The following CEP85 variants were observed in gnomAD, a reference collection of about 807,000 sequenced individuals.
The protein encoded by CEP85 is centrosomal protein of 85 kDa.
CEP85 carries 58 observed loss-of-function variants against 93.7 expected under a neutral mutation model. The ratio of observed to expected loss-of-function variants is 0.62; its 90% CI spans 0.50 to 0.77. CEP85 has a LOEUF of 0.77. Among genes scored for constraint, CEP85 ranks in the 30% least tolerant of loss-of-function variants. The pLI, the probability that CEP85 is intolerant of heterozygous loss-of-function variation, is 0.00. For synonymous variants in CEP85, 314 were observed against 338.6 expected (o/e 0.93, Z 0.80); for missense variants, 868 against 922.0 (o/e 0.94, Z 0.76).
intron 5 of CEP85, 135 bp from the exon 6 acceptor site, chr1:26,258,008 G>A (rs2089735075): frequency 1.3e-6 from 1 of 743,030 alleles, no homozygotes; most frequent in Admixed American, 2.3e-5. Context: ...TTTCTCATTT[G>A]TTCTTCTTCC....
rs1202646123 is a variant in CEP85 at position 26,272,004 on chromosome 1, A to G, written c.1744-17A>G. 6.2e-7 allele frequency: 1 copy of G among 1,613,824 alleles called. No homozygotes were observed. The highest frequency in any genetic ancestry group is 8.5e-7 in the Non-Finnish European group (1 of 1,179,894). On this transcript the variant is annotated splice_polypyrimidine_tract_variant and intron_variant, in intron 10 of 13. Coordinates refer to ENST00000451429, the MANE Select transcript of CEP85 (RefSeq NM_001319944.2). ...AGCCTTGTGCTCGCAGCCTTCCTTGATAACTTTGCCTTTCAGATTGTGGAG... is the reference window on the plus strand; with the variant it reads ...AGCCTTGTGCTCGCAGCCTTCCTTGGTAACTTTGCCTTTCAGATTGTGGAG...
At chr1:26,239,572 G>A (rs1004301162) in intron 1 of CEP85, among the ~76,000 whole-genome samples, 190 bp from the exon 2 acceptor site, 1 of 147,184 alleles carries the variant, frequency 6.8e-6, no homozygotes, top group African/African-American at 2.7e-5. Flanking sequence ...GGCTGGTCTC[G>A]AACTCCTGAC....
At chr1:26,264,194 A>G (rs894951677) in intron 7 of CEP85, among the ~76,000 whole-genome samples, 12 of 151,792 alleles carry the variant, frequency 7.9e-5, no homozygotes, top group African/African-American at 2.4e-4. Context: ...GGTGTCTTTC[A>G]TGTTAGAGGC....
Position 26,269,551 on chromosome 1 carries a change from A to G in CEP85, c.1586A>G (p.Glu529Gly). ...GAGGAGACCCAGGCAATCTGCAGAGAGAAGGAGATTCAACTGGAAAGCCTG... is the reference window on the plus strand; with the variant it reads ...GAGGAGACCCAGGCAATCTGCAGAGGGAAGGAGATTCAACTGGAAAGCCTG... ...LLEETQAICR[E>G]KEIQLESLRQ... The change falls in exon 9 of 14, where the codon GAG becomes GGG. Residue 529 changes from glutamate (E) to glycine (G), a missense_variant. Physicochemically the swap from Glu to Gly is moderately conservative, Grantham distance 98 (BLOSUM62 -2). Transcript: ENST00000451429. 6.2e-7 allele frequency: 1 copy of G among 1,614,064 alleles called. No individual in the cohort carries two copies. The highest frequency in any genetic ancestry group is 8.5e-7 in the Non-Finnish European group (1 of 1,179,964).
chr1:26,263,901 C>T (rs570619546), intron 7 of CEP85, among the ~76,000 whole-genome samples: 2 of 152,062 alleles, frequency 1.3e-5, no homozygotes, highest in South Asian at 2.1e-4. Context: ...TATGGAGGGC[C>T]GACATATATG....
At chr1:26,248,876 G>A (rs910972267) in intron 3 of CEP85, among the ~76,000 whole-genome samples, 1 of 151,218 alleles carries the variant, frequency 6.6e-6, no homozygotes. Flanking sequence ...ACAGGCACCC[G>A]CCACTACGCC....
chr1:26,236,136 A>G (rs1434146087), intron 1 of CEP85, among the ~76,000 whole-genome samples: 1 of 152,218 alleles, frequency 6.6e-6, no homozygotes, highest in African/African-American at 2.4e-5. Flanking sequence ...GTTAGAGTAC[A>G]GTCCTGGCTT....
chr1:26,244,116 G>C lies in CEP85; in HGVS notation c.56-50G>C, dbSNP rs776303756. The C allele has an allele frequency of 3.2e-6, 5 of 1,570,742 alleles. No homozygotes were observed. The South Asian group carries it at 4.6e-5, about 14-fold the overall frequency. ...GATTTTTTAAAAAAAGATCTGATGG[G>C]GTTACATCAGCTGGTTCACAGTAAA... is the stretch of plus-strand genomic sequence containing the variant. On this transcript the variant is annotated intron_variant, in intron 2 of 13. Coordinates refer to ENST00000451429, the MANE Select transcript of CEP85 (RefSeq NM_001319944.2).
intron 12 of CEP85, among the ~76,000 whole-genome samples, chr1:26,275,818 A>G (rs1370463210): frequency 6.6e-6 from 1 of 152,148 alleles, no homozygotes; most frequent in East Asian, 1.9e-4. Context: ...GGACTGAAGG[A>G]CGGACTCTAT....
At chr1:26,235,423 T>C (rs1442474735) in intron 1 of CEP85, among the ~76,000 whole-genome samples, 1 of 152,202 alleles carries the variant, frequency 6.6e-6, no homozygotes, top group East Asian at 1.9e-4. Flanking sequence ...TAATGAATGA[T>C]CAAGGCGGTG....
chr1:26,255,828 A>C lies in CEP85; in HGVS notation c.866A>C (p.Gln289Pro). 1 of 1,612,700 alleles carries C rather than the reference A, an allele frequency of 6.2e-7. No homozygotes were observed. Among genetic ancestry groups the C allele is most frequent in the Admixed American group, 1.7e-5 (1 of 59,882 alleles). The change falls in exon 4 of 14, where the codon CAG becomes CCG. Residue 289 changes from glutamine to proline, a missense_variant. Physicochemically the swap from Gln to Pro is moderately conservative, Grantham distance 76 (BLOSUM62 -1). Transcript: ENST00000451429. ...QSCELSTCRQ[Q>P]LELIRLQMEQ... is the part of the protein sequence containing the mutation. ...TGTGAACTCAGCACTTGTCGGCAGC[A>C]GCTGGAATTGATTCGTTTACAGATG...
At chr1:26,237,168 C>T (rs942990769) in intron 1 of CEP85, among the ~76,000 whole-genome samples, 1 of 152,060 alleles carries the variant, frequency 6.6e-6, no homozygotes, top group Non-Finnish European at 1.5e-5. Flanking sequence ...GGGAGGGATC[C>T]ATTCAGGTGG....
At chr1:26,274,535 T>C (rs2090025248) in intron 11 of CEP85, among the ~76,000 whole-genome samples, 1 of 152,204 alleles carries the variant, frequency 6.6e-6, no homozygotes, top group Non-Finnish European at 1.5e-5. Context: ...GATTTGCAGA[T>C]TGAAGACAGC....
In CEP85 at chr1:26,261,007, T is replaced by A. The variant is rs566760464; in HGVS notation, c.1341+1205T>A. The stretch of plus-strand genomic sequence containing the variant: ...GGTTTCACCATGTTGGCCAGGCTGG[T>A]CTCGAACTCCTGACCTCAGGTGATC... On this transcript the variant is annotated intron_variant, in intron 7 of 13. Transcript: ENST00000451429. 1.7e-4 allele frequency among the ~76,000 whole-genome samples: 26 copies of A among 150,380 alleles called. No homozygotes were observed. The East Asian group carries it at 4.9e-3, about 28-fold the overall frequency.
chr1:26,276,801 C>A (rs1404450214), intron 13 of CEP85, 41 bp downstream of exon 13: 1 of 1,354,964 alleles, frequency 7.4e-7, no homozygotes, highest in Non-Finnish European at 1.0e-6. Flanking sequence ...AAGGAGGGTC[C>A]TTCTTTCTCT....
intron 2 of CEP85, among the ~76,000 whole-genome samples, chr1:26,242,712 C>T (rs1017240789): frequency 6.6e-6 from 1 of 152,158 alleles, no homozygotes; most frequent in Non-Finnish European, 1.5e-5. Context: ...CCCACTAGAT[C>T]AGCGAGTCTG....
chr1:26,249,888 A>G (rs554369373), intron 3 of CEP85, among the ~76,000 whole-genome samples: 1 of 152,244 alleles, frequency 6.6e-6, no homozygotes, highest in South Asian at 2.1e-4. Context: ...TTTTAAAGAG[A>G]TGGATCTCAC....
At chr1:26,250,767 G>T (rs975322298) in intron 3 of CEP85, among the ~76,000 whole-genome samples, 2 of 152,082 alleles carry the variant, frequency 1.3e-5, no homozygotes, top group African/African-American at 4.8e-5. Flanking sequence ...CTGAGACAGT[G>T]TAACTTATAC....
chr1:26,274,849 A>T lies in CEP85; in HGVS notation c.1795-115A>T, dbSNP rs1172899816. 5 of 735,162 alleles carry T rather than the reference A, an allele frequency of 6.8e-6. No homozygotes were observed. The African/African-American group carries it at 8.9e-5, about 13-fold the overall frequency. The allele number at this position is 735,162 out of a possible 1,614,324, so 45.5% of individuals were successfully genotyped here. ...CAGGACTGTTCTAAAATGATTTCTT[A>T]TGAGGGTGTAGGTAGGGTGAGTCGT... On this transcript the variant is annotated intron_variant, in intron 11 of 13. Coordinates refer to ENST00000451429, the MANE Select transcript of CEP85 (RefSeq NM_001319944.2).
Sources: gnomAD v4.1 joint callset for allele counts (sites outside exome capture counted in the v4.1 genomes callset) on GRCh38, gnomAD v4.1.1 for gene constraint, MANE v1.5 for transcripts, NCBI Gene and HGNC (gene_info 2026-07-23, HGNC 2026-07-21) for gene names.